Variants in SOX6 observed in about 807,000 individuals in gnomAD.
The protein encoded by SOX6 is transcription factor SOX-6.
Under a neutral mutation model 97.8 loss-of-function variants are expected in SOX6, and 11 were observed. The observed-to-expected ratio is 0.11, with a 90% confidence interval of 0.07 to 0.19. The LOEUF (loss-of-function observed/expected upper bound fraction) is 0.19. Ranked by LOEUF, SOX6 falls within the 10% of genes least tolerant of loss-of-function variation. SOX6 has a pLI of 1.00. For synonymous variants in SOX6, 360 were observed against 371.4 expected, an observed-to-expected ratio of 0.97 and a Z score of 0.35; for missense variants, 810 against 1,039.5, an observed-to-expected ratio of 0.78 and a Z score of 3.04.
At chr11:16,149,292 G>T (rs997632211) in intron 6 of SOX6, among the ~76,000 whole-genome samples, 1 of 152,050 alleles carries the variant, frequency 6.6e-6, no homozygotes, top group Non-Finnish European at 1.5e-5. Flanking sequence ...GAGATATATT[G>T]CACTTTGACG....
intron 9 of SOX6, among the ~76,000 whole-genome samples, chr11:16,063,497 TATATATATATATATATATATATATATA>T (rs1365986566): frequency 1.0e-4 from 1 of 9,528 alleles, no homozygotes; most frequent in African/African-American, 1.3e-4. Context: ...ACCATAATTT[TATATATATATATATATATATATATATA>T]TATATATATA....
At chr11:16,413,060 CAA>C (rs1858854295) in intron 1 of SOX6, among the ~76,000 whole-genome samples, 1 of 152,150 alleles carries the variant, frequency 6.6e-6, no homozygotes, top group Non-Finnish European at 1.5e-5. Context: ...CAGTAAACAG[CAA>C]AAGAGTTTCT....
chr11:15,996,510 T>C (rs1854232516), intron 13 of SOX6, among the ~76,000 whole-genome samples: 1 of 152,172 alleles, frequency 6.6e-6, no homozygotes, highest in East Asian at 1.9e-4. Flanking sequence ...GCACCTGTAG[T>C]TCCAGCTACT....
At chr11:16,665,940 T>C (rs558011242) in intron 3 of SOX6, among the ~76,000 whole-genome samples, 1 of 152,320 alleles carries the variant, frequency 6.6e-6, no homozygotes, top group African/African-American at 2.4e-5. Context: ...ACCACCAAGT[T>C]GGCACATCTG....
intron 10 of SOX6, 28 bp downstream of exon 10, chr11:16,055,724 T>C: frequency 6.2e-7 from 1 of 1,613,348 alleles, no homozygotes; most frequent in Non-Finnish European, 8.5e-7. Context: ...TTCTAAACTG[T>C]TTCCACAATG....
At chr11:16,130,847 T>C (rs543780315) in intron 6 of SOX6, among the ~76,000 whole-genome samples, 1 of 152,090 alleles carries the variant, frequency 6.6e-6, no homozygotes, top group Admixed American at 6.5e-5. Context: ...ATTTTCATAA[T>C]GATGTCAAGA....
At chr11:16,459,397 C>T (rs987937379) in intron 1 of SOX6, among the ~76,000 whole-genome samples, 3 of 151,900 alleles carry the variant, frequency 2.0e-5, no homozygotes, top group Admixed American at 6.6e-5. Context: ...CACTTAAAAT[C>T]GTGAAATTTA....
chr11:16,198,344 A>G (rs1446412556), intron 4 of SOX6, among the ~76,000 whole-genome samples: 1 of 149,952 alleles, frequency 6.7e-6, no homozygotes, highest in Non-Finnish European at 1.5e-5. Context: ...CCAAAGTGCC[A>G]GCCAATTCAA....
At chr11:16,128,193 G>GAA (rs1334236669) in intron 6 of SOX6, among the ~76,000 whole-genome samples, 1 of 152,142 alleles carries the variant, frequency 6.6e-6, no homozygotes, top group Non-Finnish European at 1.5e-5. Context: ...ATGTTCAAGA[G>GAA]AAAATATACA....
chr11:16,226,747 CTCT>C (rs773184387), intron 4 of SOX6, among the ~76,000 whole-genome samples: 22 of 151,692 alleles, frequency 1.5e-4, no homozygotes, highest in Non-Finnish European at 2.6e-4. Context: ...TCACCCCTGT[CTCT>C]CATTCAGGTA....
At chr11:16,133,848 C>A (rs929943544) in intron 6 of SOX6, among the ~76,000 whole-genome samples, 1 of 152,064 alleles carries the variant, frequency 6.6e-6, no homozygotes, top group Non-Finnish European at 1.5e-5. Flanking sequence ...TCCACCATGC[C>A]CAGCTAATTT....
chr11:16,705,827 T>A (rs1848128085), intron 3 of SOX6, among the ~76,000 whole-genome samples: 1 of 151,820 alleles, frequency 6.6e-6, no homozygotes, highest in African/African-American at 2.4e-5. Flanking sequence ...ACTAAAAAAA[T>A]AACCAAAATA....
chr11:16,508,973 A>G (rs529775663), intron 4 of SOX6, among the ~76,000 whole-genome samples: 30 of 152,112 alleles, frequency 2.0e-4, no homozygotes, highest in Non-Finnish European at 4.3e-4. Context: ...GTACCAATAA[A>G]GACATAACAA....
intron 4 of SOX6, among the ~76,000 whole-genome samples, chr11:16,211,150 A>G (rs760475573): frequency 5.3e-5 from 8 of 152,190 alleles, no homozygotes; most frequent in Non-Finnish European, 1.2e-4. Flanking sequence ...AGATGAAATT[A>G]AAGAGGTAAA....
chr11:16,287,280 T>TCACACACA (rs1854778595), intron 3 of SOX6, among the ~76,000 whole-genome samples: 4 of 105,872 alleles, frequency 3.8e-5, no homozygotes, highest in African/African-American at 1.4e-4. Flanking sequence ...TCTCTCTCTC[T>TCACACACA]CTCTCTCTCT....
chr11:16,394,801 A>C (rs1858295792), intron 1 of SOX6, among the ~76,000 whole-genome samples: 1 of 151,792 alleles, frequency 6.6e-6, no homozygotes, highest in African/African-American at 2.4e-5. Context: ...TTTCCACAAA[A>C]GATTATAGCC....
chr11:16,681,363 G>A (rs748244119), intron 3 of SOX6, among the ~76,000 whole-genome samples: 1 of 151,988 alleles, frequency 6.6e-6, no homozygotes, highest in African/African-American at 2.4e-5. Flanking sequence ...ATGACTACTG[G>A]GTAAATAACA....
chr11:16,110,100 T>C (rs900811479), intron 7 of SOX6, among the ~76,000 whole-genome samples: 4 of 152,148 alleles, frequency 2.6e-5, no homozygotes, highest in African/African-American at 4.8e-5. Flanking sequence ...TCTTCCCCCA[T>C]GAAAAGTGGC....
At chr11:16,294,827 A>G (rs1855023458) in intron 3 of SOX6, among the ~76,000 whole-genome samples, 2 of 152,106 alleles carry the variant, frequency 1.3e-5, no homozygotes, top group African/African-American at 4.8e-5. Flanking sequence ...ATGAGTTAAA[A>G]GAATTTCATA....
Sources: gnomAD v4.1 joint callset for allele counts (sites outside exome capture counted in the v4.1 genomes callset) on GRCh38, gnomAD v4.1.1 for gene constraint, MANE v1.5 for transcripts, NCBI Gene and HGNC (gene_info 2026-07-23, HGNC 2026-07-21) for gene names.